Variants in GDA observed in about 807,000 individuals in gnomAD.
GDA encodes cytoplasmic PSD-95 interactor.
In GDA, 18 loss-of-function variants were observed where a neutral mutation model predicts 59.6. The ratio of observed to expected loss-of-function variants is 0.30; its 90% CI spans 0.21 to 0.45. The LOEUF (loss-of-function observed/expected upper bound fraction) is 0.45, where lower values mean the gene tolerates loss of function less well. GDA is among the 20% of genes least tolerant of loss of function. GDA has a pLI of 1.00. For synonymous variants in GDA, 201 were observed against 201.1 expected, an observed-to-expected ratio of 1.00 and a Z score of 0.00; for missense variants, 427 against 552.3, an observed-to-expected ratio of 0.77 and a Z score of 2.27.
At chr9:72,211,898 G>A (rs760536106) in intron 4 of GDA, among the ~76,000 whole-genome samples, 1 of 152,188 alleles carries the variant, frequency 6.6e-6, no homozygotes, top group African/African-American at 2.4e-5. Flanking sequence ...AAAAGGTTCT[G>A]AGTCCAGGTG....
At chr9:72,216,077 A>G (rs1378425291) in intron 5 of GDA, among the ~76,000 whole-genome samples, 8 of 152,214 alleles carry the variant, frequency 5.3e-5, no homozygotes, top group Non-Finnish European at 1.0e-4. Context: ...GCAAGGGACA[A>G]TAGAAGCCTT....
intron 11 of GDA, among the ~76,000 whole-genome samples, chr9:72,244,433 G>A (rs188795096): frequency 1.1e-3 from 163 of 152,276 alleles, no homozygotes; most frequent in Admixed American, 5.8e-3. Flanking sequence ...GATGAGCCAA[G>A]TCAATAGATA....
In GDA at chr9:72,225,673, G is replaced by T. The variant is rs538142510; in HGVS notation, c.715-4G>T. 3 of 1,339,392 alleles carry T rather than the reference G, an allele frequency of 2.2e-6. No individual in the cohort carries two copies. The highest frequency in any genetic ancestry group is 2.1e-5 in the Admixed American group (1 of 48,760). 83.0% of individuals were successfully genotyped at this position (1,339,392 alleles called of 1,614,324 possible). A position where few individuals can be genotyped will look rare whatever the true frequency, so the allele number is the denominator to read the frequency against. ...AAAATGAAAATATTATTTTTTTCTT[G>T]TAGAGCCATATAAGTGAAAATCGTG... On this transcript the variant is annotated splice_region_variant and splice_polypyrimidine_tract_variant and intron_variant, in intron 7 of 13. Coordinates refer to ENST00000358399, the MANE Select transcript of GDA (RefSeq NM_004293.5).
chr9:72,193,822 A>G (rs903384393), intron 1 of GDA: 2 of 152,216 alleles, frequency 1.3e-5, no homozygotes, highest in Admixed American at 1.3e-4. Flanking sequence ...CTGGTGTTCT[A>G]TTGTACTGTG....
chr9:72,149,799 C>G, intron 1 of GDA, 117 bp downstream of exon 1: 1 of 1,066,200 alleles, frequency 9.4e-7, no homozygotes, highest in Non-Finnish European at 1.3e-6. Flanking sequence ...GCCGCGGCTC[C>G]GGAGTTGAAC....
intron 10 of GDA, among the ~76,000 whole-genome samples, chr9:72,238,186 A>G (rs1311969077): frequency 6.6e-6 from 1 of 152,122 alleles, no homozygotes. Flanking sequence ...TATGGCTTTT[A>G]TGAATAACCT....
At chr9:72,174,797 G>A (rs1830372061) in intron 1 of GDA, among the ~76,000 whole-genome samples, 1 of 152,032 alleles carries the variant, frequency 6.6e-6, no homozygotes, top group South Asian at 2.1e-4. Context: ...GACAGACAGA[G>A]ACAGAGAGAC....
downstream of GDA, among the ~76,000 whole-genome samples, chr9:72,255,291 C>T (rs957814375): frequency 1.1e-4 from 16 of 152,132 alleles, no homozygotes; most frequent in Middle Eastern, 3.2e-3. Context: ...TAGTAACTTC[C>T]AGGTCATCCT....
chr9:72,233,680 A>G (rs936761551), intron 10 of GDA, among the ~76,000 whole-genome samples: 1 of 152,148 alleles, frequency 6.6e-6, no homozygotes, highest in African/African-American at 2.4e-5. Flanking sequence ...AGTGGCTCAT[A>G]CCTGTAATCC....
At chr9:72,199,775 G>A (rs1186149719) in intron 2 of GDA, among the ~76,000 whole-genome samples, 1 of 152,148 alleles carries the variant, frequency 6.6e-6, no homozygotes, top group East Asian at 1.9e-4. Flanking sequence ...CTTCTTGAAT[G>A]TCTCTTCTTT....
intron 1 of GDA, among the ~76,000 whole-genome samples, chr9:72,122,874 A>G (rs1453045922): frequency 6.6e-6 from 1 of 152,158 alleles, no homozygotes; most frequent in Non-Finnish European, 1.5e-5. Context: ...AGCTCTGCCC[A>G]GCAGGTGGGA....
At chr9:72,199,000 A>C (rs1305210505) in intron 2 of GDA, among the ~76,000 whole-genome samples, 1 of 152,008 alleles carries the variant, frequency 6.6e-6, no homozygotes, top group East Asian at 1.9e-4. Context: ...AGAAGGGAGA[A>C]AGGAGAGCTT....
intron 1 of GDA, among the ~76,000 whole-genome samples, chr9:72,186,784 C>G (rs769215144): frequency 2.4e-4 from 37 of 152,204 alleles, no homozygotes; most frequent in Non-Finnish European, 4.7e-4. Context: ...CCCCTTCCAT[C>G]CCTTTTCCCA....
At chr9:72,201,418 G>A (rs562133580) in intron 2 of GDA, among the ~76,000 whole-genome samples, 1 of 152,264 alleles carries the variant, frequency 6.6e-6, no homozygotes, top group African/African-American at 2.4e-5. Context: ...CTACAAAAAA[G>A]CTAGTCTTTT....
chr9:72,172,954 A>G (rs761238213), intron 1 of GDA, among the ~76,000 whole-genome samples: 1 of 152,176 alleles, frequency 6.6e-6, no homozygotes, highest in African/African-American at 2.4e-5. Context: ...AGAAGGTTGT[A>G]CTTTAGTGGG....
At chr9:72,191,524 T>C (rs1287761992) in intron 1 of GDA, among the ~76,000 whole-genome samples, 1 of 151,416 alleles carries the variant, frequency 6.6e-6, no homozygotes, top group Non-Finnish European at 1.5e-5. Context: ...CAGGCCAGAC[T>C]GCAGTGGTGC....
chr9:72,133,308 A>AATAATAAT (rs1554722434), intron 1 of GDA, among the ~76,000 whole-genome samples: 2 of 101,558 alleles, frequency 2.0e-5, no homozygotes, highest in Admixed American at 1.4e-4. Flanking sequence ...AAAAAAAAAA[A>AATAATAAT]AATAATAATA....
At chr9:72,215,257 G>T (rs1015559912) in intron 5 of GDA, among the ~76,000 whole-genome samples, 2 of 152,086 alleles carry the variant, frequency 1.3e-5, no homozygotes, top group African/African-American at 4.8e-5. Flanking sequence ...ACTACAAAAG[G>T]ATTTTTTTAA....
chr9:72,131,648 G>GACACACACACACACAA (rs1826031216), intron 1 of GDA, among the ~76,000 whole-genome samples: 2 of 150,972 alleles, frequency 1.3e-5, no homozygotes, highest in African/African-American at 4.9e-5. Flanking sequence ...CACGTGCACA[G>GACACACACACACACAA]ACACACACAC....
Sources: gnomAD v4.1 joint callset for allele counts (sites outside exome capture counted in the v4.1 genomes callset) on GRCh38, gnomAD v4.1.1 for gene constraint, MANE v1.5 for transcripts, NCBI Gene and HGNC (gene_info 2026-07-23, HGNC 2026-07-21) for gene names.